Variants in NALCN observed in about 807,000 individuals in gnomAD.
NALCN encodes the protein sodium leak channel, non-selective.
In NALCN, 111 loss-of-function variants were observed where a neutral mutation model predicts 225.3. The observed-to-expected ratio is 0.49, with a 90% CI of 0.42 to 0.58. The LOEUF (loss-of-function observed/expected upper bound fraction) is 0.58, where lower values mean the gene tolerates loss of function less well. NALCN is among the 20% of genes least tolerant of loss of function. The probability of loss-of-function intolerance (pLI) is 0.00; values close to 1 mark genes in which losing one functional copy is unlikely to be tolerated. For missense variants in NALCN, 1,378 were observed against 2,202.4 expected (o/e 0.63, Z 7.49); for synonymous variants, 764 against 769.0 (o/e 0.99, Z 0.11).
chr13:101,258,821 C>T (rs1316450608), intron 10 of NALCN, among the ~76,000 whole-genome samples: 1 of 152,156 alleles, frequency 6.6e-6, no homozygotes, highest in Non-Finnish European at 1.5e-5. Flanking sequence ...AAACATATAT[C>T]ATTTGTGTAT....
At chr13:101,306,057 A>C (rs1403127069) in intron 7 of NALCN, among the ~76,000 whole-genome samples, 1 of 152,156 alleles carries the variant, frequency 6.6e-6, no homozygotes, top group Admixed American at 6.5e-5. Flanking sequence ...GCAGACTTTG[A>C]AAGCCGGCCA....
intron 13 of NALCN, among the ~76,000 whole-genome samples, chr13:101,223,687 TAA>T (rs1428531885): frequency 6.6e-6 from 1 of 152,150 alleles, no homozygotes; most frequent in African/African-American, 2.4e-5. Context: ...TCCAGACACA[TAA>T]AGACTCGGTT....
At chr13:101,294,571 T>C (rs1223492913) in intron 7 of NALCN, among the ~76,000 whole-genome samples, 1 of 148,548 alleles carries the variant, frequency 6.7e-6, no homozygotes, top group Non-Finnish European at 1.5e-5. Context: ...TTTTTTTTTT[T>C]TTTTTTTTTT....
chr13:101,381,610 CCCTT>C (rs2046850413), intron 3 of NALCN, among the ~76,000 whole-genome samples: 3 of 152,250 alleles, frequency 2.0e-5, no homozygotes, highest in African/African-American at 7.2e-5. Flanking sequence ...CTCTCTCCCT[CCCTT>C]ACTTCCTTCT....
Position 101,245,422 on chromosome 13 carries a change from C to A in NALCN, c.1267-7500G>T, listed in dbSNP as rs551778511. 7.1e-4 allele frequency among the ~76,000 whole-genome samples: 108 copies of A among 152,240 alleles called. 5 individuals are homozygous for A. In the South Asian group the frequency reaches 0.021, roughly 30 times the overall value. ...CCAATCTTTTTTTAAATCACCTCTT[C>A]TAAGAAGTCTTTTAGAGATTTTGTT... On this transcript the variant is annotated intron_variant, in intron 11 of 43. Coordinates refer to ENST00000251127, the MANE Select transcript of NALCN (RefSeq NM_052867.4).
chr13:101,102,255 C>T (rs931933567), intron 26 of NALCN, among the ~76,000 whole-genome samples: 2 of 151,660 alleles, frequency 1.3e-5, no homozygotes, highest in African/African-American at 4.9e-5. Context: ...TGCACTCCAG[C>T]CTGGGCGACA....
intron 13 of NALCN, among the ~76,000 whole-genome samples, chr13:101,205,569 C>T (rs1283909083): frequency 6.6e-6 from 1 of 152,004 alleles, no homozygotes; most frequent in African/African-American, 2.4e-5. Context: ...GAACTGCAAC[C>T]GTCTAGCTGA....
At chr13:101,254,321 C>T (rs1361203287) in intron 11 of NALCN, among the ~76,000 whole-genome samples, 4 of 126,656 alleles carry the variant, frequency 3.2e-5, no homozygotes, top group Non-Finnish European at 4.6e-5. Flanking sequence ...TGCAGGGAGC[C>T]GAGATGGTGC....
At chr13:101,232,258 C>T (rs1034422257) in intron 12 of NALCN, among the ~76,000 whole-genome samples, 1 of 151,970 alleles carries the variant, frequency 6.6e-6, no homozygotes, top group Non-Finnish European at 1.5e-5. Flanking sequence ...AGTCTTATTC[C>T]TATTGTCTGC....
intron 15 of NALCN, among the ~76,000 whole-genome samples, chr13:101,152,600 A>T (rs1375770558): frequency 6.6e-6 from 1 of 152,210 alleles, no homozygotes; most frequent in African/African-American, 2.4e-5. Context: ...AAGAAAAAAA[A>T]AACTATTCAA....
chr13:101,162,493 C>T (rs2038238093), intron 15 of NALCN, among the ~76,000 whole-genome samples: 1 of 152,200 alleles, frequency 6.6e-6, no homozygotes, highest in East Asian at 1.9e-4. Flanking sequence ...CCAGCATGTT[C>T]CTATTTAATG....
At chr13:101,087,699 C>T (rs1435592300) in intron 30 of NALCN, among the ~76,000 whole-genome samples, 3 of 152,178 alleles carry the variant, frequency 2.0e-5, no homozygotes, top group African/African-American at 7.2e-5. Flanking sequence ...AACATAAATA[C>T]AGTGCTGGAT....
At chr13:101,154,673 G>A (rs982634442) in intron 15 of NALCN, among the ~76,000 whole-genome samples, 6 of 152,192 alleles carry the variant, frequency 3.9e-5, no homozygotes, top group African/African-American at 1.4e-4. Context: ...TAATCCAATG[G>A]TGATGAGATG....
chr13:101,365,646 A>G (rs952477225), intron 6 of NALCN, among the ~76,000 whole-genome samples: 1 of 152,116 alleles, frequency 6.6e-6, no homozygotes, highest in Non-Finnish European at 1.5e-5. Context: ...AGTTCTATAA[A>G]CTTCCCCTGG....
chr13:101,411,896 C>T (rs75973406), intron 1 of NALCN, among the ~76,000 whole-genome samples: 2,504 of 152,070 alleles, frequency 0.016, 25 homozygotes, highest in Non-Finnish European at 0.026. Flanking sequence ...TCATTTACAA[C>T]GTAAGAGAAT....
chr13:101,173,092 C>A (rs552848435), intron 15 of NALCN, among the ~76,000 whole-genome samples: 55 of 152,172 alleles, frequency 3.6e-4, no homozygotes, highest in Non-Finnish European at 7.2e-4. Context: ...TTTGCCATCG[C>A]GCAGCAAGAC....
chr13:101,366,196 A>G (rs566152485), intron 6 of NALCN, among the ~76,000 whole-genome samples: 43 of 152,158 alleles, frequency 2.8e-4, no homozygotes, highest in Non-Finnish European at 5.3e-4. Flanking sequence ...TACTCTTTTC[A>G]TAATTGCCTT....
At chr13:101,117,138 T>G (rs1241573744) in intron 18 of NALCN, 1 of 342,730 alleles carries the variant, frequency 2.9e-6, no homozygotes, top group Non-Finnish European at 5.8e-6. Flanking sequence ...TCTTGTGTTA[T>G]TCATAAAAAT....
intron 7 of NALCN, 133 bp downstream of exon 7, chr13:101,345,133 A>T (rs1354099610): frequency 4.2e-6 from 4 of 948,178 alleles, no homozygotes; most frequent in Non-Finnish European, 6.1e-6. Context: ...TAGGCATAGA[A>T]TTAAAATTTA....
Sources: allele counts gnomAD v4.1 joint callset (sites outside exome capture counted in the v4.1 genomes callset), GRCh38; gene constraint gnomAD v4.1.1; transcripts MANE v1.5; gene names NCBI Gene and HGNC (gene_info 2026-07-23, HGNC 2026-07-21).